Variants in HMCN1 observed in about 807,000 individuals in gnomAD.
The protein encoded by HMCN1 is hemicentin-1.
In HMCN1, 321 loss-of-function variants were observed where a neutral mutation model predicts 625.9. The observed-to-expected ratio is 0.51, with a 90% confidence interval of 0.47 to 0.56. HMCN1 has a LOEUF of 0.56. Among genes scored for constraint, HMCN1 ranks in the 20% least tolerant of loss-of-function variants. HMCN1 has a pLI of 0.00. For synonymous variants in HMCN1, 2,425 were observed against 2,417.6 expected, an observed-to-expected ratio of 1.00 and a Z score of -0.09; for missense variants, 6,588 against 6,887.3, an observed-to-expected ratio of 0.96 and a Z score of 1.54.
intron 100 of HMCN1, among the ~76,000 whole-genome samples, chr1:186,169,832 G>C (rs541035641): frequency 5.9e-5 from 9 of 152,176 alleles, no homozygotes; most frequent in East Asian, 1.9e-4. Context: ...TTGACAATGC[G>C]ATCTAATTAA....
At chr1:186,134,190 T>C (rs1179711686) in intron 86 of HMCN1, among the ~76,000 whole-genome samples, 2 of 152,184 alleles carry the variant, frequency 1.3e-5, no homozygotes, top group African/African-American at 2.4e-5. Flanking sequence ...AGTGTTCATA[T>C]TTATTATGTG....
Position 186,078,095 on chromosome 1 carries a change from T to A in HMCN1, c.8486-12T>A, listed in dbSNP as rs1658938911. ...GATTAGAGGAGTAAACATAGTGGGA[T>A]ATTATTTTCAGGAGGGCGAGTGTTG... On this transcript the variant is annotated splice_polypyrimidine_tract_variant and intron_variant, in intron 54 of 106. Coordinates refer to ENST00000271588, the MANE Select transcript of HMCN1 (RefSeq NM_031935.3). 12 of 1,590,468 alleles carry A rather than the reference T, an allele frequency of 7.5e-6. No individual in the cohort carries two copies. Among genetic ancestry groups the A allele is most frequent in the Non-Finnish European group, 1.0e-5 (12 of 1,159,136 alleles).
intron 100 of HMCN1, among the ~76,000 whole-genome samples, chr1:186,167,575 A>G (rs1255292738): frequency 2.6e-5 from 4 of 152,228 alleles, no homozygotes; most frequent in Admixed American, 1.3e-4. Context: ...AGCAACATGT[A>G]TCCACCATGA....
intron 85 of HMCN1, 90 bp downstream of exon 85, chr1:186,130,787 C>A (rs944813341): frequency 3.7e-6 from 4 of 1,091,592 alleles, no homozygotes; most frequent in Middle Eastern, 2.9e-4. Flanking sequence ...ATTTCTCTTA[C>A]ATTCCTATTT....
intron 1 of HMCN1, among the ~76,000 whole-genome samples, chr1:185,770,343 T>G (rs1340786027): frequency 6.6e-6 from 1 of 152,192 alleles, no homozygotes; most frequent in East Asian, 1.9e-4. Context: ...TAACTTTAGA[T>G]AAAGCATTGA....
At chr1:185,863,128 G>A (rs1382132737) in intron 2 of HMCN1, among the ~76,000 whole-genome samples, 2 of 152,178 alleles carry the variant, frequency 1.3e-5, no homozygotes, top group Non-Finnish European at 2.9e-5. Flanking sequence ...GATTTCCAGA[G>A]TTTAATGATA....
chr1:186,057,148 A>C, intron 45 of HMCN1, 86 bp from the exon 46 acceptor site: 1 of 1,076,412 alleles, frequency 9.3e-7, no homozygotes, highest in Non-Finnish European at 1.4e-6. Context: ...TTAGGATTTG[A>C]TGTTTGATAT....
intron 55 of HMCN1, among the ~76,000 whole-genome samples, chr1:186,078,724 C>T (rs1231449024): frequency 6.6e-6 from 1 of 152,136 alleles, no homozygotes; most frequent in Non-Finnish European, 1.5e-5. Flanking sequence ...TTTAATTGGC[C>T]AAGTGTGAAT....
chr1:185,866,126 T>C (rs2102359263), intron 4 of HMCN1, among the ~76,000 whole-genome samples: 1 of 152,270 alleles, frequency 6.6e-6, no homozygotes, highest in South Asian at 2.1e-4. Flanking sequence ...GAATCAAAAA[T>C]TTTTGTAGTT....
chr1:185,962,699 G>GA, intron 12 of HMCN1, 40 bp downstream of exon 12: 1 of 1,242,340 alleles, frequency 8.0e-7, no homozygotes, highest in Admixed American at 1.7e-5. Context: ...TATTGAGTGA[G>GA]AAAAATTGAT....
At chr1:186,094,171 C>T in intron 66 of HMCN1, 105 bp from the exon 67 acceptor site, 1 of 900,254 alleles carries the variant, frequency 1.1e-6, no homozygotes, top group Non-Finnish European at 1.8e-6. Flanking sequence ...ATTAAAATTT[C>T]CCAACATAAA....
intron 2 of HMCN1, among the ~76,000 whole-genome samples, chr1:185,848,567 G>A (rs1661975908): frequency 6.6e-6 from 1 of 151,902 alleles, no homozygotes; most frequent in African/African-American, 2.4e-5. Context: ...CTTTAGCCTT[G>A]ACCTCTTTCC....
chr1:186,129,378 CAT>C (rs1196780514), intron 83 of HMCN1, among the ~76,000 whole-genome samples: 1 of 150,814 alleles, frequency 6.6e-6, no homozygotes, highest in Admixed American at 6.6e-5. Context: ...ATATTACTAT[CAT>C]AAATTTTTAA....
chr1:186,029,528 C>A (rs909668827), intron 36 of HMCN1, among the ~76,000 whole-genome samples: 2 of 131,000 alleles, frequency 1.5e-5, no homozygotes, highest in Non-Finnish European at 3.1e-5. Flanking sequence ...TGTTTGTAAT[C>A]TTCTCCTAAA....
chr1:186,019,714 C>T lies in HMCN1; in HGVS notation c.5625+19C>T, dbSNP rs768149480. On this transcript the variant is annotated intron_variant, in intron 35 of 106. Transcript: ENST00000271588. ...CCTTAAAGTAAGTGTAAATATTACT[C>T]AGCCTAAACTGGGAAAGCTACATAT... 50 of 1,601,054 alleles carry T rather than the reference C, an allele frequency of 3.1e-5. No homozygotes were observed. Among genetic ancestry groups the T allele is most frequent in the Admixed American group, 2.3e-4 (14 of 59,718 alleles).
At position 185,909,420 on chromosome 1, in the gene HMCN1, T is replaced by C. The variant is rs367670098; in HGVS notation, c.705T>C (p.Thr235=). The change falls in exon 5 of 107, where the codon ACT becomes ACC. Residue 235 remains threonine (T), a synonymous_variant. Transcript: ENST00000271588. The stretch of plus-strand genomic sequence containing the variant: ...ATCATTTGGAACAGGCTGTAAATAC[T>C]TGGAGAATTCCTTTTGATCCCAGCC... The part of the protein sequence containing the change: ...STDHLEQAVN[T]WRIPFDPSLK... 3 of 1,613,428 alleles carry C rather than the reference T, an allele frequency of 1.9e-6. No individual in the cohort carries two copies. The highest frequency in any genetic ancestry group is 2.5e-6 in the Non-Finnish European group (3 of 1,179,566).
intron 86 of HMCN1, among the ~76,000 whole-genome samples, chr1:186,132,902 C>T (rs10911829): frequency 0.39 from 59,271 of 151,700 alleles, 13,337 homozygotes; most frequent in East Asian, 0.6. Flanking sequence ...TTTGGGTTTT[C>T]CTCCTTGCGA....
chr1:186,022,332 C>T (rs1654776849), intron 35 of HMCN1, among the ~76,000 whole-genome samples: 1 of 152,106 alleles, frequency 6.6e-6, no homozygotes, highest in Admixed American at 6.6e-5. Context: ...AGAATTAGAA[C>T]TGAGGGAATG....
intron 5 of HMCN1, among the ~76,000 whole-genome samples, chr1:185,910,568 CCTT>C (rs1327591885): frequency 6.7e-6 from 1 of 149,472 alleles, no homozygotes; most frequent in Non-Finnish European, 1.5e-5. Context: ...TTTCTTTCTT[CCTT>C]CTTTTTTTTT....
Sources: gnomAD v4.1 joint callset for allele counts (sites outside exome capture counted in the v4.1 genomes callset) on GRCh38, gnomAD v4.1.1 for gene constraint, MANE v1.5 for transcripts, NCBI Gene and HGNC (gene_info 2026-07-23, HGNC 2026-07-21) for gene names.